Variants in WDR47 observed in about 807,000 individuals in gnomAD.
WDR47 encodes WD repeat-containing protein 47.
WDR47 carries 32 observed loss-of-function variants against 97.2 expected under a neutral mutation model. The observed-to-expected ratio is 0.33, with a 90% confidence interval of 0.25 to 0.44. WDR47 has a LOEUF of 0.44. Ranked by LOEUF, WDR47 falls within the 20% of genes least tolerant of loss-of-function variation. WDR47 has a pLI of 1.00. For synonymous variants in WDR47, 375 were observed against 373.5 expected, an observed-to-expected ratio of 1.00 and a Z score of -0.05; for missense variants, 782 against 1,102.3, an observed-to-expected ratio of 0.71 and a Z score of 4.11.
At chr1:109,038,753 G>A (rs867527025) in intron 1 of WDR47, among the ~76,000 whole-genome samples, 1 of 152,140 alleles carries the variant, frequency 6.6e-6, no homozygotes, top group Non-Finnish European at 1.5e-5. Flanking sequence ...GAACTGGGTG[G>A]ATCACTTGAG....
At chr1:109,023,693 G>C (rs1174100081) in intron 1 of WDR47, among the ~76,000 whole-genome samples, 172 bp from the exon 2 acceptor site, 1 of 152,080 alleles carries the variant, frequency 6.6e-6, no homozygotes. Flanking sequence ...TGTGACAATG[G>C]TATGGCCATG....
chr1:108,976,681 G>T (rs1014843417), intron 13 of WDR47, among the ~76,000 whole-genome samples: 7 of 152,234 alleles, frequency 4.6e-5, no homozygotes, highest in Admixed American at 4.6e-4. Flanking sequence ...TAATGGCGAG[G>T]TCCCAATTAG....
At chr1:108,996,579 T>A (rs552473413) in intron 7 of WDR47, among the ~76,000 whole-genome samples, 2 of 152,300 alleles carry the variant, frequency 1.3e-5, no homozygotes, top group Admixed American at 1.3e-4. Context: ...GAGCAAGCCA[T>A]GATGAGTAAA....
At chr1:109,021,652 T>C (rs543737953) in intron 2 of WDR47, among the ~76,000 whole-genome samples, 1 of 152,082 alleles carries the variant, frequency 6.6e-6, no homozygotes, top group Admixed American at 6.6e-5. Flanking sequence ...AATTTTTTAT[T>C]TGTAGCTGGA....
At chr1:108,977,019 G>C (rs532166443) in intron 13 of WDR47, among the ~76,000 whole-genome samples, 1 of 152,264 alleles carries the variant, frequency 6.6e-6, no homozygotes, top group Non-Finnish European at 1.5e-5. Context: ...ACTGCTACGT[G>C]GATTGCAGAC....
intron 1 of WDR47, among the ~76,000 whole-genome samples, chr1:109,038,590 G>C (rs943976808): frequency 2.6e-5 from 4 of 151,168 alleles, no homozygotes; most frequent in African/African-American, 9.7e-5. Context: ...GAGGTAGGAG[G>C]ATCACTTGAG....
chr1:109,001,870 G>A (rs560635896), intron 7 of WDR47, among the ~76,000 whole-genome samples: 6 of 151,812 alleles, frequency 4.0e-5, no homozygotes, highest in South Asian at 2.1e-4. Flanking sequence ...CAGACTGGGC[G>A]ACAGAGTGAG....
chr1:109,010,874 A>T (rs1660991286), intron 5 of WDR47, 42 bp downstream of exon 5: 1 of 1,562,340 alleles, frequency 6.4e-7, no homozygotes, highest in Non-Finnish European at 8.7e-7. Flanking sequence ...AAGCCACTGC[A>T]CCCGGCCTAA....
chr1:108,974,014 C>A (rs1657688481), intron 14 of WDR47, among the ~76,000 whole-genome samples: 1 of 151,332 alleles, frequency 6.6e-6, no homozygotes, highest in Non-Finnish European at 1.5e-5. Context: ...CGCAACATGG[C>A]AAAATTTTGT....
At chr1:109,039,153 T>A (rs1031860737) in intron 1 of WDR47, among the ~76,000 whole-genome samples, 1 of 152,294 alleles carries the variant, frequency 6.6e-6, no homozygotes, top group Non-Finnish European at 1.5e-5. Context: ...TACTATGTAT[T>A]AACAACATGC....
chr1:109,036,301 C>T (rs138311028), intron 1 of WDR47, among the ~76,000 whole-genome samples: 191 of 152,208 alleles, frequency 1.3e-3, no homozygotes, highest in African/African-American at 4.5e-3. Flanking sequence ...AGGCCAGGCG[C>T]GGTGGCTCAC....
intron 9 of WDR47, among the ~76,000 whole-genome samples, chr1:108,989,470 T>C (rs1189348965): frequency 6.6e-6 from 1 of 152,262 alleles, no homozygotes; most frequent in East Asian, 1.9e-4. Flanking sequence ...TGAATTGAAT[T>C]CTGATATTAT....
chr1:109,004,752 A>AG (rs771713522), intron 5 of WDR47, 37 bp from the exon 6 acceptor site: 13 of 1,555,770 alleles, frequency 8.4e-6, no homozygotes, highest in African/African-American at 1.4e-5. Context: ...AAAAAGGCAG[A>AG]GGGGGGAGTA....
intron 13 of WDR47, among the ~76,000 whole-genome samples, chr1:108,975,908 A>G (rs1275763152): frequency 1.3e-5 from 2 of 152,210 alleles, no homozygotes; most frequent in African/African-American, 2.4e-5. Context: ...ATTACATGAG[A>G]AAAGGTTTAG....
intron 8 of WDR47, among the ~76,000 whole-genome samples, chr1:108,993,665 A>G (rs1659537760): frequency 6.6e-6 from 1 of 152,190 alleles, no homozygotes; most frequent in Non-Finnish European, 1.5e-5. Flanking sequence ...AGTGATCAAA[A>G]AGCAGTAAAT....
Position 109,004,537 on chromosome 1 carries a change from A to G in WDR47, c.1254+55T>C, listed in dbSNP as rs918261025. ...TCTTTTTACATTCTAAGTAAATTCTATTACTTCTTACAAAGAGAATAACTC... is the reference window on the plus strand; with the variant it reads ...TCTTTTTACATTCTAAGTAAATTCTGTTACTTCTTACAAAGAGAATAACTC... On this transcript the variant is annotated intron_variant, in intron 6 of 14. Transcript: ENST00000369962. 1.3e-4 allele frequency: 192 copies of G among 1,522,566 alleles called. 1 individual carries two copies. Among genetic ancestry groups the G allele is most frequent in the Non-Finnish European group, 4.3e-5 (49 of 1,134,504 alleles). 94.3% of individuals were successfully genotyped at this position (1,522,566 alleles called of 1,614,324 possible).
At chr1:109,000,395 G>C (rs1480212237) in intron 7 of WDR47, among the ~76,000 whole-genome samples, 1 of 150,824 alleles carries the variant, frequency 6.6e-6, no homozygotes, top group African/African-American at 2.4e-5. Context: ...TGTAATGCCA[G>C]CTACTCAGGG....
Position 109,011,606 on chromosome 1 carries a change from G to C in WDR47, c.440C>G (p.Thr147Ser), listed in dbSNP as rs923376226. ...LCLLLTLPRL[T>S]NHAEFKDWNP... Reference sequence around the variant, plus strand: ...CCAGTCCTTAAACTCGGCATGATTGGTCAGACGAGGCAAAGTCAAAAGCAA... The same window carrying C: ...CCAGTCCTTAAACTCGGCATGATTGCTCAGACGAGGCAAAGTCAAAAGCAA... Residue 147 changes from threonine to serine, a missense_variant, in exon 5 of 15, where the codon ACC (threonine) becomes AGC (serine). By Grantham distance (58) the Thr-to-Ser change is moderately conservative (BLOSUM62 1). Around this residue, in one of 3 missense-constraint regions of WDR47, gnomAD observed 428 missense variants for 584.3 expected, o/e 0.73. Coordinates refer to ENST00000369962, the MANE Select transcript of WDR47 (RefSeq NM_001142551.2). The C allele has an allele frequency of 5.0e-6, 8 of 1,614,046 alleles. No individual in the cohort carries two copies. In the African/African-American group the frequency reaches 9.3e-5, roughly 19 times the overall value.
intron 14 of WDR47, among the ~76,000 whole-genome samples, 198 bp downstream of exon 14, chr1:108,974,338 C>T (rs1309141451): frequency 6.6e-6 from 1 of 152,270 alleles, no homozygotes. Flanking sequence ...AAAACAAAAA[C>T]AAAACCTAAC....
Sources: gnomAD v4.1 joint callset for allele counts (sites outside exome capture counted in the v4.1 genomes callset) on GRCh38, gnomAD v4.1.1 for gene constraint, gnomAD v4.1.1 regional missense constraint, MANE v1.5 for transcripts, NCBI Gene and HGNC (gene_info 2026-07-23, HGNC 2026-07-21) for gene names.